The following WWOX variants were observed in gnomAD, a reference collection of about 807,000 sequenced individuals.
WWOX encodes WW domain containing oxidoreductase.
In WWOX, 69 loss-of-function variants were observed where a neutral mutation model predicts 46.2. The ratio of observed to expected loss-of-function variants is 1.49; its 90% CI spans 1.23 to 1.82. WWOX has a LOEUF of 1.82. Ranked by LOEUF, WWOX falls within the 40% of genes most tolerant of loss-of-function variation. The pLI is 0.00. For missense variants in WWOX, 919 were observed against 542.6 expected, an observed-to-expected ratio of 1.69 and a Z score of -6.89; for synonymous variants, 359 against 202.6, an observed-to-expected ratio of 1.77 and a Z score of -6.56.
intron 4 of WWOX, among the ~76,000 whole-genome samples, chr16:78,133,282 A>T (rs867489708): frequency 1.3e-5 from 2 of 152,212 alleles, no homozygotes; most frequent in African/African-American, 4.8e-5. Context: ...TTTTTGAAAG[A>T]TGGAGTCTTG....
Position 78,286,031 on chromosome 16 carries a change from G to A in WWOX, c.517-100829G>A, listed in dbSNP as rs994368625. On this transcript the variant is annotated intron_variant, in intron 5 of 8. Transcript: ENST00000566780. ...TGCCACCTTTTTGGGGGTCCAAAAAGTACAAGGCGAGATCGACGTGTGTTC... is the reference window on the plus strand; with the variant it reads ...TGCCACCTTTTTGGGGGTCCAAAAAATACAAGGCGAGATCGACGTGTGTTC... Among the ~76,000 whole-genome samples, 217 of 152,260 alleles carry A rather than the reference G, an allele frequency of 1.4e-3. 3 individuals carry two copies. Among genetic ancestry groups the A allele is most frequent in the Non-Finnish European group, 5.3e-4 (36 of 68,018 alleles).
chr16:78,823,985 C>G (rs1217737342), intron 8 of WWOX, among the ~76,000 whole-genome samples: 3 of 151,934 alleles, frequency 2.0e-5, no homozygotes, highest in Admixed American at 6.6e-5. Flanking sequence ...TGTTGCCCAG[C>G]CTGGTCTCAA....
At chr16:79,184,711 G>T (rs529328542) in intron 8 of WWOX, among the ~76,000 whole-genome samples, 15 of 152,204 alleles carry the variant, frequency 9.9e-5, no homozygotes, top group African/African-American at 3.1e-4. Flanking sequence ...ACCTTTCCCA[G>T]AAGAGTGGGA....
intron 8 of WWOX, among the ~76,000 whole-genome samples, chr16:78,717,921 A>G (rs941209077): frequency 6.6e-6 from 1 of 152,208 alleles, no homozygotes; most frequent in African/African-American, 2.4e-5. Context: ...TGGACCCAAC[A>G]CCAAGTGTCT....
At chr16:78,491,631 G>A (rs540997391) in intron 8 of WWOX, among the ~76,000 whole-genome samples, 248 of 152,120 alleles carry the variant, frequency 1.6e-3, no homozygotes, top group African/African-American at 5.8e-3. Context: ...CCTGGCTACC[G>A]TGTCTTGTTT....
intron 8 of WWOX, among the ~76,000 whole-genome samples, chr16:78,443,360 C>T (rs1202426453): frequency 2.6e-5 from 4 of 152,056 alleles, no homozygotes; most frequent in Non-Finnish European, 4.4e-5. Context: ...ACCACTAAGA[C>T]AGATTACACA....
At chr16:78,916,844 C>T (rs1394568) in intron 8 of WWOX, among the ~76,000 whole-genome samples, 114,173 of 152,116 alleles carry the variant, frequency 0.75, 43,662 homozygotes, top group Non-Finnish European at 0.83. Context: ...TAAACCCTTT[C>T]GATAGCAAGT....
chr16:78,861,495 C>G (rs1304863836), intron 8 of WWOX, among the ~76,000 whole-genome samples: 1 of 152,162 alleles, frequency 6.6e-6, no homozygotes, highest in Non-Finnish European at 1.5e-5. Context: ...CCACCCACTT[C>G]CCCCATGCCT....
At chr16:78,930,825 G>C (rs1597166347) in intron 8 of WWOX, among the ~76,000 whole-genome samples, 1 of 152,202 alleles carries the variant, frequency 6.6e-6, no homozygotes, top group South Asian at 2.1e-4. Context: ...CTGTTCATAG[G>C]TCAGTCGCTA....
intron 5 of WWOX, among the ~76,000 whole-genome samples, chr16:78,242,024 G>A (rs1232743716): frequency 1.3e-5 from 2 of 152,192 alleles, no homozygotes; most frequent in African/African-American, 2.4e-5. Flanking sequence ...GCCTGTCATT[G>A]TTGACTGAAA....
At chr16:79,189,064 C>A (rs1208342800) in intron 8 of WWOX, among the ~76,000 whole-genome samples, 2 of 152,084 alleles carry the variant, frequency 1.3e-5, no homozygotes, top group Non-Finnish European at 2.9e-5. Flanking sequence ...AAAAAAAATA[C>A]AGATACGTGT....
intron 8 of WWOX, among the ~76,000 whole-genome samples, chr16:78,861,669 A>G (rs1035478625): frequency 6.6e-6 from 1 of 152,234 alleles, no homozygotes; most frequent in African/African-American, 2.4e-5. Context: ...CCATTTTTCC[A>G]ATCATTCTCT....
At chr16:78,833,892 T>A (rs1215891752) in intron 8 of WWOX, among the ~76,000 whole-genome samples, 1 of 152,258 alleles carries the variant, frequency 6.6e-6, no homozygotes, top group African/African-American at 2.4e-5. Flanking sequence ...ATACAGGCAC[T>A]TTGTCTCCCA....
chr16:78,419,884 A>C (rs2082882663), intron 6 of WWOX, among the ~76,000 whole-genome samples: 1 of 152,140 alleles, frequency 6.6e-6, no homozygotes, highest in African/African-American at 2.4e-5. Context: ...AATACTTACA[A>C]ATTAAATATT....
At chr16:78,998,335 C>G (rs112428386) in intron 8 of WWOX, among the ~76,000 whole-genome samples, 1 of 152,158 alleles carries the variant, frequency 6.6e-6, no homozygotes, top group Non-Finnish European at 1.5e-5. Flanking sequence ...CTCTGAGCTT[C>G]TTGAGTGAAG....
chr16:78,610,033 C>T (rs945686279), intron 8 of WWOX, among the ~76,000 whole-genome samples: 2 of 149,562 alleles, frequency 1.3e-5, no homozygotes, highest in African/African-American at 4.9e-5. Flanking sequence ...TCTGCGAATC[C>T]GCTGAATGTC....
chr16:78,633,898 T>G (rs2046501329), intron 8 of WWOX, among the ~76,000 whole-genome samples: 5 of 146,120 alleles, frequency 3.4e-5, no homozygotes, highest in East Asian at 2.0e-4. Flanking sequence ...TCTGAGGTGT[T>G]TTTTTTTTTT....
intron 8 of WWOX, among the ~76,000 whole-genome samples, chr16:78,724,490 T>G (rs2048776964): frequency 6.6e-6 from 1 of 152,220 alleles, no homozygotes; most frequent in South Asian, 2.1e-4. Flanking sequence ...TAATAAATGT[T>G]TACGGTTACT....
intron 4 of WWOX, among the ~76,000 whole-genome samples, chr16:78,122,553 A>G (rs978066826): frequency 6.6e-6 from 1 of 152,144 alleles, no homozygotes; most frequent in African/African-American, 2.4e-5. Context: ...TTGCTTTTAC[A>G]TCATAGAGTG....
Sources: allele counts gnomAD v4.1 joint callset (sites outside exome capture counted in the v4.1 genomes callset), GRCh38; gene constraint gnomAD v4.1.1; transcripts MANE v1.5; gene names NCBI Gene and HGNC (gene_info 2026-07-23, HGNC 2026-07-21).